Variants in MGMT observed in about 807,000 individuals in gnomAD.
The protein encoded by MGMT is methylated-DNA--protein-cysteine methyltransferase.
In MGMT, 14 loss-of-function variants were observed where a neutral mutation model predicts 15.9. That is an observed-to-expected ratio of 0.88 (90% CI 0.58 to 1.37). The LOEUF (loss-of-function observed/expected upper bound fraction) is 1.37. Ranked by LOEUF, MGMT falls within the 40% of genes most tolerant of loss-of-function variation. The pLI is 0.00. For synonymous variants in MGMT, 130 were observed against 118.2 expected (o/e 1.10, Z -0.65); for missense variants, 282 against 268.1 (o/e 1.05, Z -0.36).
At chr10:129,702,227 CA>C (rs1298893988) in intron 2 of MGMT, 4 of 152,142 alleles carry the variant, frequency 2.6e-5, no homozygotes, top group African/African-American at 9.7e-5. Flanking sequence ...CTGGCATTGC[CA>C]ACAGTTGTGT....
chr10:129,676,380 A>T (rs541105844), intron 2 of MGMT, among the ~76,000 whole-genome samples: 1 of 152,182 alleles, frequency 6.6e-6, no homozygotes, highest in Non-Finnish European at 1.5e-5. Context: ...CGCTGGGGCC[A>T]TGGGGATGAC....
intron 1 of MGMT, among the ~76,000 whole-genome samples, chr10:129,517,985 C>T (rs1845757948): frequency 6.6e-6 from 1 of 152,126 alleles, no homozygotes; most frequent in Non-Finnish European, 1.5e-5. Flanking sequence ...TCGGGCCTGC[C>T]TGCCTTATTT....
chr10:129,762,518 GA>G (rs1195284406), intron 4 of MGMT, among the ~76,000 whole-genome samples: 1 of 152,132 alleles, frequency 6.6e-6, no homozygotes, highest in Admixed American at 6.5e-5. Flanking sequence ...AGCATTCCTG[GA>G]AGGCTGTCTC....
At chr10:129,698,912 T>G (rs890617490) in intron 2 of MGMT, among the ~76,000 whole-genome samples, 1 of 152,240 alleles carries the variant, frequency 6.6e-6, no homozygotes, top group Non-Finnish European at 1.5e-5. Context: ...AAGTGGGGTC[T>G]CATACATAAT....
chr10:129,766,505 C>T (rs898912347), intron 4 of MGMT, among the ~76,000 whole-genome samples: 1 of 152,204 alleles, frequency 6.6e-6, no homozygotes, highest in Admixed American at 6.5e-5. Flanking sequence ...TTTCTCCTCC[C>T]AAATCGTGGG....
At chr10:129,476,664 G>T (rs568548243) in intron 1 of MGMT, among the ~76,000 whole-genome samples, 1 of 152,294 alleles carries the variant, frequency 6.6e-6, no homozygotes, top group African/African-American at 2.4e-5. Context: ...GCTGGGAGTG[G>T]CTGGGTGGGG....
rs140141066 is a variant in MGMT at position 129,653,808 on chromosome 10, G to A, written c.126-54087G>A. ...TCACTGAGGCCCCACAGCCCAGGGT[G>A]TTTAGGATGAAGGGCACAGATTTCC... On this transcript the variant is annotated intron_variant, in intron 2 of 4. Coordinates refer to ENST00000651593, the MANE Select transcript of MGMT (RefSeq NM_002412.5). Among the ~76,000 whole-genome samples, 111 of 152,364 alleles carry A rather than the reference G, an allele frequency of 7.3e-4. 2 individuals are homozygous for A. Among genetic ancestry groups the A allele is most frequent in the East Asian group, 5.6e-3 (29 of 5,190 alleles).
chr10:129,574,892 A>G (rs1038724726), intron 2 of MGMT, among the ~76,000 whole-genome samples: 4 of 152,090 alleles, frequency 2.6e-5, no homozygotes, highest in African/African-American at 9.7e-5. Context: ...TAATATTCTC[A>G]TTCCCAGCAG....
At chr10:129,523,927 C>T (rs1039079955) in intron 1 of MGMT, among the ~76,000 whole-genome samples, 2 of 152,184 alleles carry the variant, frequency 1.3e-5, no homozygotes, top group African/African-American at 2.4e-5. Flanking sequence ...TAGAGACTGG[C>T]GGGGTCCCAG....
rs140711341 is a variant in MGMT, at chr10:129,677,564, T to C, written c.126-30331T>C. 7.1e-3 allele frequency among the ~76,000 whole-genome samples: 1,077 copies of C among 152,340 alleles called. 17 individuals are homozygous for C. The highest frequency in any genetic ancestry group is 0.023 in the African/African-American group (974 of 41,572). On this transcript the variant is annotated intron_variant, in intron 2 of 4. Transcript: ENST00000651593. ...CCCATGTAACCTGGAGTTGAGGGCC[T>C]GTCTTTCACCCAGTCTGTTTGTAAG...
At chr10:129,504,002 G>C (rs1564836437) in intron 1 of MGMT, among the ~76,000 whole-genome samples, 1 of 152,300 alleles carries the variant, frequency 6.6e-6, no homozygotes, top group East Asian at 1.9e-4. Context: ...AACAGTATCA[G>C]ATCAGGGTTC....
intron 2 of MGMT, among the ~76,000 whole-genome samples, chr10:129,705,651 G>A (rs960504413): frequency 6.6e-6 from 1 of 152,214 alleles, no homozygotes; most frequent in African/African-American, 2.4e-5. Context: ...AGCTCTTTGT[G>A]TGAAGGTGTT....
At chr10:129,469,212 G>C (rs1052719984) in intron 1 of MGMT, among the ~76,000 whole-genome samples, 1 of 152,050 alleles carries the variant, frequency 6.6e-6, no homozygotes, top group African/African-American at 2.4e-5. Context: ...TTCCTCTCCA[G>C]TCCTCTTCCC....
chr10:129,733,035 T>C (rs1848520080), intron 3 of MGMT, among the ~76,000 whole-genome samples: 1 of 151,714 alleles, frequency 6.6e-6, no homozygotes, highest in African/African-American at 2.4e-5. Context: ...CACGTGTCTT[T>C]ATAGCAGCAT....
intron 2 of MGMT, among the ~76,000 whole-genome samples, chr10:129,558,795 G>C (rs1846244556): frequency 6.6e-6 from 1 of 152,108 alleles, no homozygotes; most frequent in Non-Finnish European, 1.5e-5. Flanking sequence ...AGTTGCTTTG[G>C]AGCCTTTCGA....
At chr10:129,751,698 T>C (rs900927437) in intron 3 of MGMT, among the ~76,000 whole-genome samples, 1 of 152,030 alleles carries the variant, frequency 6.6e-6, no homozygotes, top group African/African-American at 2.4e-5. Flanking sequence ...AATTTTAATA[T>C]GCTTTATTTT....
intron 2 of MGMT, among the ~76,000 whole-genome samples, chr10:129,555,313 G>A (rs111754381): frequency 2.0e-5 from 3 of 152,298 alleles, no homozygotes; most frequent in African/African-American, 4.8e-5. Context: ...TTCTCCTTCC[G>A]TGCCGTGCTG....
chr10:129,742,818 G>C (rs1731716622), intron 3 of MGMT, among the ~76,000 whole-genome samples: 1 of 151,012 alleles, frequency 6.6e-6, no homozygotes, highest in Admixed American at 6.6e-5. Context: ...TCAGAGCCAG[G>C]TTCTCAGGGC....
At chr10:129,760,973 C>A (rs1047965617) in intron 4 of MGMT, among the ~76,000 whole-genome samples, 1 of 152,124 alleles carries the variant, frequency 6.6e-6, no homozygotes, top group Non-Finnish European at 1.5e-5. Context: ...ATTTTTACGG[C>A]GCGTTGGGGG....
Sources: gnomAD v4.1 joint callset for allele counts (sites outside exome capture counted in the v4.1 genomes callset) on GRCh38, gnomAD v4.1.1 for gene constraint, MANE v1.5 for transcripts, NCBI Gene and HGNC (gene_info 2026-07-23, HGNC 2026-07-21) for gene names.